The following RBM4 variants were observed in gnomAD, a reference collection of about 807,000 sequenced individuals.
The protein encoded by RBM4 is RNA binding motif protein 4.
A neutral mutation model predicts 29.5 loss-of-function variants in RBM4; 7 were observed. The observed-to-expected ratio is 0.24, with a 90% CI of 0.14 to 0.45. The LOEUF is 0.45. Among genes scored for constraint, RBM4 ranks in the 20% least tolerant of loss-of-function variants. The probability of loss-of-function intolerance (pLI) is 1.00; values close to 1 mark genes in which losing one functional copy is unlikely to be tolerated. For synonymous variants in RBM4, 220 were observed against 205.4 expected, an observed-to-expected ratio of 1.07 and a Z score of -0.61; for missense variants, 387 against 502.3, an observed-to-expected ratio of 0.77 and a Z score of 2.19.
rs1939223109 is a variant in RBM4 at position 66,666,106 on chromosome 11, C to T, written c.*141C>T. 39 of 825,742 alleles carry T rather than the reference C, an allele frequency of 4.7e-5. No individual in the cohort carries two copies. The South Asian group carries it at 5.4e-4, about 11-fold the overall frequency. The allele number at this position is 825,742 out of a possible 1,614,324, so 51.2% of individuals were successfully genotyped here. A position where few individuals can be genotyped will look rare whatever the true frequency, so the allele number is the denominator to read the frequency against. Reference sequence around the variant, plus strand: ...CATTCACCCAATTCCAACACACCTACATGTCACACTGTCACAGAGTGAGAG... The same window carrying T: ...CATTCACCCAATTCCAACACACCTATATGTCACACTGTCACAGAGTGAGAG... On this transcript the variant is annotated 3_prime_UTR_variant, in exon 3 of 3. Transcript: ENST00000396053.
At chr11:66,666,312 T>C in exon 3 of RBM4, 4 of 1,063,336 alleles carry the variant, frequency 3.8e-6, no homozygotes, top group Non-Finnish European at 4.6e-6. Flanking sequence ...GGCCAAATCT[T>C]GGTCTTGATC....
rs1319289613 is a variant in RBM4, at chr11:66,643,465, T to C, written c.428T>C (p.Val143Ala). 2.5e-6 allele frequency: 4 copies of C among 1,609,908 alleles called. No homozygotes were observed. Among genetic ancestry groups the C allele is most frequent in the African/African-American group, 2.7e-5 (2 of 74,938 alleles). ...NTEFQGKRMH[V>A]QLSTSRLRTA... is the part of the protein sequence containing the mutation. ...TTTCTTCAAGGCAAACGAATGCACG[T>C]GCAGTTGTCCACCAGCCGGCTTAGG... The change falls in exon 3 of 4, where the codon GTG becomes GCG. Residue 143 changes from valine to alanine, a missense_variant. Val to Ala is a moderately conservative substitution (Grantham distance 64, BLOSUM62 0). Coordinates refer to ENST00000310092, the MANE Select transcript of RBM4 (RefSeq NM_002896.4). The surrounding 1 kb of genome is among the most constrained non-coding windows in gnomAD (Gnocchi z 6.1).
exon 3 of RBM4, chr11:66,667,106 G>C (rs1226606870): frequency 6.6e-6 from 1 of 151,932 alleles, no homozygotes; most frequent in African/African-American, 2.4e-5. Context: ...GATAAGTTAG[G>C]AACACCAGAA....
At chr11:66,648,291 C>T (rs1210113303), downstream of RBM4, among the ~76,000 whole-genome samples, 1 of 152,042 alleles carries the variant, frequency 6.6e-6, no homozygotes, top group African/African-American at 2.4e-5. Flanking sequence ...GAGGCTGAGG[C>T]AAGCAGGTTG....
chr11:66,640,315 C>A, intron 2 of RBM4, 192 bp downstream of exon 2: 1 of 744,670 alleles, frequency 1.3e-6, no homozygotes, highest in South Asian at 1.9e-5. Flanking sequence ...GCAAATGTCT[C>A]CTGGAGAAAA....
chr11:66,665,597 CAA>C, intron 2 of RBM4: 1 of 1,535,976 alleles, frequency 6.5e-7, no homozygotes, highest in Non-Finnish European at 8.7e-7. Flanking sequence ...GAGCACAACA[CAA>C]GAGGCTTACA....
intron 2 of RBM4, among the ~76,000 whole-genome samples, chr11:66,642,865 G>T (rs1938528430): frequency 6.6e-6 from 1 of 152,128 alleles, no homozygotes; most frequent in Non-Finnish European, 1.5e-5. Context: ...CCTTCAACTT[G>T]TTGTGCCCCT....
chr11:66,643,733 G>A lies in RBM4; in HGVS notation c.696G>A (p.Glu232=). The A allele has an allele frequency of 6.2e-7, 1 of 1,614,100 alleles. No individual in the cohort carries two copies. Among genetic ancestry groups the A allele is most frequent in the Non-Finnish European group, 8.5e-7 (1 of 1,180,020 alleles). Residue 232 remains glutamate (E), a synonymous_variant, in exon 3 of 4, where the codon GAG becomes GAA. Coordinates refer to ENST00000310092, the MANE Select transcript of RBM4 (RefSeq NM_002896.4). The surrounding 1 kb of genome is among the most constrained non-coding windows in gnomAD (Gnocchi z 6.1). ...GCTGCCGTGCTGCCCGGTCCTATGA[G>A]GCAGTGGCAGCTGCAGCTGCCTCCG... is the stretch of plus-strand genomic sequence containing the variant. ...YKRCRAARSY[E]AVAAAAASVY...
intron 2 of RBM4, chr11:66,640,465 C>T (rs990760831): frequency 4.3e-6 from 2 of 463,576 alleles, no homozygotes; most frequent in East Asian, 3.2e-5. Flanking sequence ...GAGTTCCTCA[C>T]TCTGAATTTA....
At chr11:66,661,722 A>T (rs140306764) in intron 2 of RBM4, among the ~76,000 whole-genome samples, 21 of 152,264 alleles carry the variant, frequency 1.4e-4, no homozygotes, top group Non-Finnish European at 3.1e-4. Context: ...ATCATATAAG[A>T]AGTAAGGTTT....
intron 2 of RBM4, 81 bp downstream of exon 2, chr11:66,640,204 G>A: frequency 1.3e-6 from 2 of 1,577,888 alleles, no homozygotes; most frequent in Non-Finnish European, 1.7e-6. Flanking sequence ...GAGAGGTTTG[G>A]TAAAGATAAC....
At chr11:66,655,534 C>T (rs1012007150) in intron 2 of RBM4, among the ~76,000 whole-genome samples, 1 of 152,196 alleles carries the variant, frequency 6.6e-6, no homozygotes, top group African/African-American at 2.4e-5. Context: ...CTCACCTCGG[C>T]CTCCCAAAGT....
intron 3 of RBM4, among the ~76,000 whole-genome samples, chr11:66,644,980 A>C (rs567924597): frequency 6.6e-6 from 1 of 150,520 alleles, no homozygotes; most frequent in East Asian, 1.9e-4. Context: ...GACATCATCT[A>C]CTTTCTCAGG....
chr11:66,664,483 G>A (rs1399502731), intron 2 of RBM4, among the ~76,000 whole-genome samples: 3 of 151,012 alleles, frequency 2.0e-5, no homozygotes, highest in African/African-American at 2.4e-5. Flanking sequence ...CTTTTGAGAT[G>A]GAGTTTCGCT....
At position 66,639,756 on chromosome 11, in the gene RBM4, G is replaced by A. The variant is rs367575736; in HGVS notation, c.45G>A (p.Glu15=). Residue 15 remains glutamate (E), a synonymous_variant, in exon 2 of 4, where the codon GAG becomes GAA. Coordinates refer to ENST00000310092, the MANE Select transcript of RBM4 (RefSeq NM_002896.4). ...GAAACCTGCCCCGGGAGGCTACAGA[G>A]CAGGAGATTCGCTCACTCTTCGAGC... The part of the protein sequence containing the change: ...FIGNLPREAT[E]QEIRSLFEQY... 1.2e-6 allele frequency: 2 copies of A among 1,614,036 alleles called. No homozygotes were observed. Among genetic ancestry groups the A allele is most frequent in the South Asian group, 1.1e-5 (1 of 91,086 alleles).
chr11:66,647,505 T>C (rs1938726478), downstream of RBM4, among the ~76,000 whole-genome samples: 1 of 152,210 alleles, frequency 6.6e-6, no homozygotes, highest in African/African-American at 2.4e-5. Context: ...TGTTTTTCCT[T>C]TAGTTTTTCC....
At chr11:66,652,321 C>T (rs1210024117) in intron 2 of RBM4, 1 of 152,136 alleles carries the variant, frequency 6.6e-6, no homozygotes, top group Non-Finnish European at 1.5e-5. Context: ...TCTCGATCTC[C>T]TGACCTCTTG....
intron 2 of RBM4, among the ~76,000 whole-genome samples, chr11:66,659,088 A>G (rs1195016495): frequency 6.6e-6 from 1 of 151,288 alleles, no homozygotes; most frequent in African/African-American, 2.4e-5. Context: ...AATTAATACA[A>G]TTTAATTTCA....
chr11:66,665,344 C>G (rs1483028492), intron 2 of RBM4: 3 of 573,460 alleles, frequency 5.2e-6, no homozygotes, highest in Non-Finnish European at 9.3e-6. Flanking sequence ...ATAATCCTTA[C>G]CTAGGGCTGC....
Sources: gnomAD v4.1 joint callset for allele counts (sites outside exome capture counted in the v4.1 genomes callset) on GRCh38, gnomAD v4.1.1 for gene constraint, Gnocchi (gnomAD v3.1) non-coding constraint, MANE v1.5 for transcripts, NCBI Gene and HGNC (gene_info 2026-07-23, HGNC 2026-07-21) for gene names.